The following DDX11 variants were observed in gnomAD, a reference collection of about 807,000 sequenced individuals.
The protein encoded by DDX11 is DEAD/H-box helicase 11.
In DDX11, 72 loss-of-function variants were observed where a neutral mutation model predicts 125.2. The observed-to-expected ratio is 0.58, with a 90% CI of 0.48 to 0.70. DDX11 has a LOEUF of 0.70. Among genes scored for constraint, DDX11 ranks in the 30% least tolerant of loss-of-function variants. The pLI is 0.00. For missense variants in DDX11, 883 were observed against 1,165.0 expected, an observed-to-expected ratio of 0.76 and a Z score of 3.52; for synonymous variants, 347 against 452.6, an observed-to-expected ratio of 0.77 and a Z score of 2.96.
chr12:31,099,058 C>T (rs1252757955), intron 18 of DDX11, among the ~76,000 whole-genome samples: 1 of 128,484 alleles, frequency 7.8e-6, no homozygotes, highest in Non-Finnish European at 1.6e-5. Context: ...CAGAATGAAT[C>T]CATACTGGTA....
intron 1 of DDX11, among the ~76,000 whole-genome samples, chr12:31,077,623 G>A (rs1177650905): frequency 2.6e-5 from 4 of 152,184 alleles, no homozygotes; most frequent in Admixed American, 6.5e-5. Context: ...CAAGGCGGGC[G>A]GATCACGAGG....
chr12:31,100,504 C>T (rs975990308), intron 18 of DDX11, 131 bp from the exon 19 acceptor site: 1 of 756,194 alleles, frequency 1.3e-6, no homozygotes. Flanking sequence ...GTTAGTTTGC[C>T]ATCAGCCTTT....
At chr12:31,077,186 A>G (rs946688817) in intron 1 of DDX11, among the ~76,000 whole-genome samples, 7 of 151,540 alleles carry the variant, frequency 4.6e-5, no homozygotes, top group African/African-American at 1.7e-4. Context: ...AGTGAGTTCC[A>G]AAGAGAGAGG....
intron 2 of DDX11, among the ~76,000 whole-genome samples, chr12:31,080,972 T>C (rs928704829): frequency 6.6e-6 from 1 of 152,152 alleles, no homozygotes; most frequent in African/African-American, 2.4e-5. Context: ...CTTAAACCCC[T>C]AGGCTCAAGC....
intron 5 of DDX11, among the ~76,000 whole-genome samples, chr12:31,087,117 T>A (rs1943298421): frequency 6.7e-6 from 1 of 150,118 alleles, no homozygotes; most frequent in Non-Finnish European, 1.5e-5. Flanking sequence ...GGCCATGGGA[T>A]GCAGGGCTGG....
At chr12:31,079,511 C>T (rs80318075) in intron 2 of DDX11, among the ~76,000 whole-genome samples, 3 of 119,012 alleles carry the variant, frequency 2.5e-5, no homozygotes, top group South Asian at 5.9e-4. Context: ...CAAGAAAAGA[C>T]GAGGAGGAGA....
chr12:31,103,137 C>T, intron 24 of DDX11, 117 bp downstream of exon 24: 1 of 1,386,238 alleles, frequency 7.2e-7, no homozygotes, highest in Non-Finnish European at 1.0e-6. Flanking sequence ...CTCCTGCCCC[C>T]TCCGGAAGCT....
Position 31,103,590 on chromosome 12 carries a change from G to A in DDX11, c.2550G>A (p.Arg850=), listed in dbSNP as rs1256855952. 3 of 1,613,874 alleles carry A rather than the reference G, an allele frequency of 1.9e-6. No individual in the cohort carries two copies. In the East Asian group the frequency reaches 6.7e-5, roughly 36 times the overall value. Residue 850 remains arginine (R), a synonymous_variant, in exon 26 of 27, where the codon AGG becomes AGA. Transcript: ENST00000542838. ...GTTCCTATGCAGGCAGGGCCATCAG[G>A]CACCAGAAGGATTTTGCCAGCGTAG... The part of the protein sequence containing the change: ...AVNQSIGRAI[R]HQKDFASVVL...
chr12:31,085,034 G>A lies in DDX11; in HGVS notation c.546G>A (p.Pro182=), dbSNP rs768877217. 2.9e-5 allele frequency: 47 copies of A among 1,611,568 alleles called. No homozygotes were observed. Among genetic ancestry groups the A allele is most frequent in the Middle Eastern group, 1.6e-4 (1 of 6,066 alleles). ...GCAGGGAGATGCTAGAGACAGGCCC[G>A]GAGGCTGAGCGGCTGGAGCAGCTGG... The part of the protein sequence containing the change: ...RLSREMLETG[P]EAERLEQLES... The change falls in exon 5 of 27, where the codon CCG becomes CCA. Residue 182 remains proline (P), a synonymous_variant. Coordinates refer to ENST00000542838, the MANE Select transcript of DDX11 (RefSeq NM_030653.4).
At chr12:31,081,598 A>C (rs1190044611) in intron 2 of DDX11, among the ~76,000 whole-genome samples, 1 of 151,398 alleles carries the variant, frequency 6.6e-6, no homozygotes, top group Non-Finnish European at 1.5e-5. Context: ...TGAACCTGTG[A>C]GCATTTTCTA....
At chr12:31,095,975 G>A (rs1353516275) in intron 14 of DDX11, among the ~76,000 whole-genome samples, 1 of 151,804 alleles carries the variant, frequency 6.6e-6, no homozygotes, top group Non-Finnish European at 1.5e-5. Context: ...CCCTGAGCAG[G>A]TCCCAGCCAT....
chr12:31,081,262 G>A (rs1941868419), intron 2 of DDX11, among the ~76,000 whole-genome samples: 1 of 152,180 alleles, frequency 6.6e-6, no homozygotes, highest in African/African-American at 2.4e-5. Context: ...ATCATCTCCT[G>A]AATAGAGTGT....
chr12:31,096,596 G>A (rs755365294), intron 15 of DDX11, 41 bp from the exon 16 acceptor site: 1 of 1,607,978 alleles, frequency 6.2e-7, no homozygotes, highest in Admixed American at 1.7e-5. Context: ...TCTCATGGCT[G>A]TACCTCGTTC....
chr12:31,103,090 G>T (rs1439211198), intron 24 of DDX11, 70 bp downstream of exon 24: 1 of 1,546,072 alleles, frequency 6.5e-7, no homozygotes, highest in East Asian at 2.2e-5. Context: ...TCACCCCCAG[G>T]GCTGATACAG....
chr12:31,075,871 G>A (rs1477153179), intron 1 of DDX11, among the ~76,000 whole-genome samples: 1 of 152,190 alleles, frequency 6.6e-6, no homozygotes, highest in East Asian at 1.9e-4. Flanking sequence ...ATTAAATACA[G>A]AGTAATGTGA....
At chr12:31,099,371 G>A (rs1342282518) in intron 18 of DDX11, among the ~76,000 whole-genome samples, 6 of 152,008 alleles carry the variant, frequency 3.9e-5, no homozygotes, top group East Asian at 3.9e-4. Context: ...GAGCCACCAC[G>A]CCTGGCCCAT....
In DDX11 at chr12:31,096,395, T is replaced by G. The variant is rs755526625; in HGVS notation, c.1521+16T>G. On this transcript the variant is annotated intron_variant, in intron 15 of 26. Transcript: ENST00000542838. The stretch of plus-strand genomic sequence containing the variant: ...CAGCAGAAAGGTAACTGCTCCCATC[T>G]TGTGGTCCTGAACAAGACCCAGCTG... 1.2e-6 allele frequency: 2 copies of G among 1,613,220 alleles called. No individual in the cohort carries two copies. The highest frequency in any genetic ancestry group is 1.7e-6 in the Non-Finnish European group (2 of 1,179,832).
intron 2 of DDX11, among the ~76,000 whole-genome samples, chr12:31,080,031 G>A (rs571883145): frequency 2.3e-5 from 3 of 128,540 alleles, no homozygotes; most frequent in South Asian, 5.3e-4. Flanking sequence ...GTATACGTCC[G>A]TTTGGAGGCT....
chr12:31,084,708 C>A (rs144459903), intron 4 of DDX11, 39 bp downstream of exon 4: 1 of 1,556,120 alleles, frequency 6.4e-7, no homozygotes. Context: ...TATGTCCAGG[C>A]AGGGTTGCTC....
Sources: gnomAD v4.1 joint callset for allele counts (sites outside exome capture counted in the v4.1 genomes callset) on GRCh38, gnomAD v4.1.1 for gene constraint, MANE v1.5 for transcripts, NCBI Gene and HGNC (gene_info 2026-07-23, HGNC 2026-07-21) for gene names.